DSTN: variants seen among roughly 807,000 people sequenced by gnomAD.
DSTN encodes destrin.
Under a neutral mutation model 16.8 loss-of-function variants are expected in DSTN, and 10 were observed. That is an observed-to-expected ratio of 0.60 (90% CI 0.37 to 1.01). DSTN has a LOEUF of 1.01. DSTN is among the 50% of genes least tolerant of loss of function. The pLI, the probability that DSTN is intolerant of heterozygous loss-of-function variation, is 0.01. For synonymous variants in DSTN, 57 were observed against 58.9 expected, an observed-to-expected ratio of 0.97 and a Z score of 0.14; for missense variants, 141 against 196.7, an observed-to-expected ratio of 0.72 and a Z score of 1.69.
At chr20:17,597,028 T>G (rs1322290370) in intron 1 of DSTN, among the ~76,000 whole-genome samples, 1 of 152,216 alleles carries the variant, frequency 6.6e-6, no homozygotes, top group Admixed American at 6.5e-5. Context: ...ACTTCAACAT[T>G]ATGGACTAGG....
chr20:17,602,315 C>T (rs755144577), intron 2 of DSTN, among the ~76,000 whole-genome samples: 6 of 152,144 alleles, frequency 3.9e-5, no homozygotes, highest in East Asian at 1.9e-4. Flanking sequence ...AGCTATTGTG[C>T]GAGGGCCTGG....
At position 17,600,960 on chromosome 20, in the gene DSTN, C is replaced by T; in HGVS notation, c.226C>T (p.Pro76Ser). The change falls in exon 2 of 4, where the codon CCT (proline) becomes TCT (serine). Residue 76 changes from proline to serine, a missense_variant. Pro to Ser is a moderately conservative substitution (Grantham distance 74). Coordinates refer to ENST00000246069, the MANE Select transcript of DSTN (RefSeq NM_006870.4). The part of the protein sequence containing the change: ...DPFKHFVGML[P>S]EKDCRYALYD... ...TTTCAAGCATTTTGTGGGAATGCTT[C>T]CTGAAAAAGATTGTCGCTATGCTTT... 6.2e-7 allele frequency: 1 copy of T among 1,613,928 alleles called. No individual in the cohort carries two copies. The highest frequency in any genetic ancestry group is 2.2e-5 in the East Asian group (1 of 44,856).
At chr20:17,570,756 G>C (rs576004343) in intron 1 of DSTN, among the ~76,000 whole-genome samples, 240 of 152,366 alleles carry the variant, frequency 1.6e-3, no homozygotes, top group African/African-American at 5.6e-3. Flanking sequence ...GATCGCTAAC[G>C]AGCAGGATCC....
At chr20:17,604,256 A>G (rs185806335) in intron 2 of DSTN, among the ~76,000 whole-genome samples, 20 of 152,342 alleles carry the variant, frequency 1.3e-4, no homozygotes, top group Admixed American at 1.2e-3. Context: ...TGAAGTACTC[A>G]GTGTTGGTTC....
intron 1 of DSTN, among the ~76,000 whole-genome samples, chr20:17,589,377 A>G (rs1385121213): frequency 6.6e-6 from 1 of 151,976 alleles, no homozygotes; most frequent in Non-Finnish European, 1.5e-5. Context: ...TGCCTGGCTA[A>G]TTTTTGTATT....
intron 1 of DSTN, among the ~76,000 whole-genome samples, chr20:17,572,248 A>G (rs760807554): frequency 6.6e-6 from 1 of 152,350 alleles, no homozygotes; most frequent in South Asian, 2.1e-4. Context: ...CTTCAGGATG[A>G]GATTAGATGT....
At chr20:17,604,731 G>A (rs965170866) in intron 3 of DSTN, 100 bp downstream of exon 3, 21 of 1,035,064 alleles carry the variant, frequency 2.0e-5, no homozygotes, top group Middle Eastern at 2.1e-4. Flanking sequence ...GCAGAGCTTC[G>A]GGCACAAGGG....
intron 1 of DSTN, among the ~76,000 whole-genome samples, chr20:17,586,178 A>G (rs551839894): frequency 1.0e-3 from 156 of 152,252 alleles, no homozygotes; most frequent in Non-Finnish European, 8.2e-4. Flanking sequence ...TGAAACAGTC[A>G]TTTTCTCTAC....
At chr20:17,581,686 G>A (rs1054013226) in intron 1 of DSTN, among the ~76,000 whole-genome samples, 8 of 152,126 alleles carry the variant, frequency 5.3e-5, no homozygotes, top group Non-Finnish European at 7.3e-5. Flanking sequence ...GCTTAGACCT[G>A]ATCTACCAGA....
chr20:17,601,939 CT>C (rs5840777), intron 2 of DSTN, among the ~76,000 whole-genome samples: 250 of 141,354 alleles, frequency 1.8e-3, no homozygotes, highest in Non-Finnish European at 1.8e-3. Flanking sequence ...TGATTTTTTT[CT>C]TTTTTTTTTT....
Position 17,604,496 on chromosome 20 carries a change from A to T in DSTN, c.312-59A>T, listed in dbSNP as rs2122211355. On this transcript the variant is annotated intron_variant, in intron 2 of 3. Coordinates refer to ENST00000246069, the MANE Select transcript of DSTN (RefSeq NM_006870.4). ...TGTTTACACAAGCAAATGTTTAACAAGTTGCAAGTTATACTTTCTCTAAAC... is the reference window on the plus strand; with the variant it reads ...TGTTTACACAAGCAAATGTTTAACATGTTGCAAGTTATACTTTCTCTAAAC... The T allele has an allele frequency of 3.3e-6, 5 of 1,512,556 alleles. No homozygotes were observed. The East Asian group carries it at 1.1e-4, about 34-fold the overall frequency. The allele number at this position is 1,512,556 out of a possible 1,614,324, so 93.7% of individuals were successfully genotyped here. A position where few individuals can be genotyped will look rare whatever the true frequency, so the allele number is the denominator to read the frequency against.
intron 1 of DSTN, chr20:17,596,756 C>G: frequency 1.0e-6 from 1 of 985,048 alleles, no homozygotes; most frequent in African/African-American, 1.8e-5. Context: ...GAAAAAAAGA[C>G]AAAATTCTTC....
At chr20:17,574,024 A>T (rs1272317104) in intron 1 of DSTN, among the ~76,000 whole-genome samples, 1 of 152,032 alleles carries the variant, frequency 6.6e-6, no homozygotes, top group Non-Finnish European at 1.5e-5. Flanking sequence ...ATATAGTGAG[A>T]CCTTGTCTGA....
At chr20:17,595,953 C>T (rs555066862) in intron 1 of DSTN, among the ~76,000 whole-genome samples, 4 of 152,228 alleles carry the variant, frequency 2.6e-5, no homozygotes, top group African/African-American at 9.6e-5. Flanking sequence ...TCATTGTTAA[C>T]CATCTTATGT....
intron 1 of DSTN, among the ~76,000 whole-genome samples, chr20:17,582,076 C>CTT (rs2035352008): frequency 2.4e-5 from 3 of 127,114 alleles, no homozygotes; most frequent in African/African-American, 7.0e-5. Context: ...ATGAAATATA[C>CTT]ATTTTTTTTT....
At chr20:17,581,919 A>G (rs2035349521) in intron 1 of DSTN, among the ~76,000 whole-genome samples, 1 of 152,188 alleles carries the variant, frequency 6.6e-6, no homozygotes, top group South Asian at 2.1e-4. Context: ...CAACCAAAGT[A>G]TTAACATTTG....
At chr20:17,595,087 A>G (rs1380589414) in intron 1 of DSTN, among the ~76,000 whole-genome samples, 1 of 152,196 alleles carries the variant, frequency 6.6e-6, no homozygotes, top group East Asian at 1.9e-4. Flanking sequence ...CTGAGGAAGA[A>G]TGCAGAGTTC....
Position 17,596,906 on chromosome 20 carries a change from A to G in DSTN, c.4-3832A>G, listed in dbSNP as rs147222975. ...ATTTAATTTACAAATCAGAATTTAG[A>G]ATGTTTGAGATGCTTAGATATTGAT... On this transcript the variant is annotated intron_variant, in intron 1 of 3. Transcript: ENST00000246069. 7,487 of 759,766 alleles carry G rather than the reference A, an allele frequency of 9.9e-3. 44 individuals carry two copies. Among genetic ancestry groups the G allele is most frequent in the Non-Finnish European group, 0.011 (6,696 of 624,502 alleles). The allele number at this position is 759,766 out of a possible 1,614,324, so 47.1% of individuals were successfully genotyped here. A position where few individuals can be genotyped will look rare whatever the true frequency, so the allele number is the denominator to read the frequency against.
At chr20:17,586,629 T>C (rs1481794512) in intron 1 of DSTN, among the ~76,000 whole-genome samples, 2 of 152,240 alleles carry the variant, frequency 1.3e-5, no homozygotes, top group African/African-American at 4.8e-5. Context: ...AAATGGAAAT[T>C]ACTGTTTCAA....
Sources: allele counts gnomAD v4.1 joint callset (sites outside exome capture counted in the v4.1 genomes callset), GRCh38; gene constraint gnomAD v4.1.1; transcripts MANE v1.5; gene names NCBI Gene and HGNC (gene_info 2026-07-23, HGNC 2026-07-21).